The following SORCS3 variants were observed in gnomAD, a reference collection of about 807,000 sequenced individuals.
The protein encoded by SORCS3 is VPS10 domain-containing receptor SorCS3.
Under a neutral mutation model 146.3 loss-of-function variants are expected in SORCS3, and 57 were observed. The ratio of observed to expected loss-of-function variants is 0.39; its 90% confidence interval spans 0.31 to 0.49. The LOEUF is 0.49. Ranked by LOEUF, SORCS3 falls within the 20% of genes least tolerant of loss-of-function variation. The probability of loss-of-function intolerance (pLI) is 0.92; values close to 1 mark genes in which losing one functional copy is unlikely to be tolerated. For synonymous variants in SORCS3, 653 were observed against 618.5 expected, an observed-to-expected ratio of 1.06 and a Z score of -0.83; for missense variants, 1,341 against 1,575.5, an observed-to-expected ratio of 0.85 and a Z score of 2.52.
chr10:105,214,365 A>ACAC (rs113804925), intron 17 of SORCS3, 77 bp from the exon 18 acceptor site: 1,995 of 1,431,434 alleles, frequency 1.4e-3, no homozygotes, highest in Non-Finnish European at 1.6e-3. Context: ...TTCCCTTTAT[A>ACAC]ACACACACAC....
chr10:105,119,819 A>C (rs919951373), intron 7 of SORCS3, among the ~76,000 whole-genome samples: 1 of 152,080 alleles, frequency 6.6e-6, no homozygotes, highest in Non-Finnish European at 1.5e-5. Flanking sequence ...GAAGTAACTA[A>C]CTTGTTTTAG....
intron 1 of SORCS3, among the ~76,000 whole-genome samples, chr10:104,725,273 G>A (rs185783451): frequency 0.014 from 2,075 of 152,308 alleles, 39 homozygotes; most frequent in African/African-American, 0.041. Flanking sequence ...TATCAGCAGC[G>A]GAGGCTGCAG....
chr10:105,246,488 T>C (rs544195554), intron 21 of SORCS3, among the ~76,000 whole-genome samples: 6 of 152,288 alleles, frequency 3.9e-5, no homozygotes, highest in Non-Finnish European at 8.8e-5. Context: ...ATATGTAATG[T>C]AAATATCACT....
chr10:104,746,634 T>C (rs1016229708), intron 1 of SORCS3, among the ~76,000 whole-genome samples: 1 of 152,206 alleles, frequency 6.6e-6, no homozygotes, highest in Non-Finnish European at 1.5e-5. Flanking sequence ...TGAAACTTTG[T>C]ACCCTTTGAT....
At chr10:104,721,671 T>G (rs2016551169) in intron 1 of SORCS3, among the ~76,000 whole-genome samples, 1 of 152,134 alleles carries the variant, frequency 6.6e-6, no homozygotes, top group African/African-American at 2.4e-5. Flanking sequence ...GGTTTGTAGT[T>G]CTCCTTGAAG....
At chr10:104,950,107 C>G (rs77983555) in intron 3 of SORCS3, among the ~76,000 whole-genome samples, 1,829 of 152,260 alleles carry the variant, frequency 0.012, 48 homozygotes, top group African/African-American at 0.042. Flanking sequence ...GAAACAGCAG[C>G]AAGAAGAGCA....
At chr10:104,656,773 A>G (rs2015636601) in intron 1 of SORCS3, among the ~76,000 whole-genome samples, 1 of 152,220 alleles carries the variant, frequency 6.6e-6, no homozygotes, top group Non-Finnish European at 1.5e-5. Flanking sequence ...AATCACTCTG[A>G]TCACCCTGTG....
intron 22 of SORCS3, among the ~76,000 whole-genome samples, chr10:105,251,367 C>G (rs2119751075): frequency 6.6e-6 from 1 of 152,252 alleles, no homozygotes; most frequent in African/African-American, 2.4e-5. Flanking sequence ...TCCCTCAACA[C>G]CTGGGGATTC....
intron 20 of SORCS3, among the ~76,000 whole-genome samples, chr10:105,235,144 G>A (rs1032808089): frequency 2.6e-5 from 4 of 152,060 alleles, no homozygotes; most frequent in African/African-American, 7.2e-5. Flanking sequence ...CTCCCACATG[G>A]AAGGATAAAG....
intron 5 of SORCS3, among the ~76,000 whole-genome samples, chr10:105,073,756 G>T (rs141753628): frequency 1.3e-5 from 2 of 152,112 alleles, no homozygotes; most frequent in South Asian, 2.1e-4. Flanking sequence ...CTGGGTGGGG[G>T]TGTGGCATCA....
At chr10:105,108,625 G>A (rs1337246701) in intron 7 of SORCS3, among the ~76,000 whole-genome samples, 1 of 152,108 alleles carries the variant, frequency 6.6e-6, no homozygotes, top group African/African-American at 2.4e-5. Flanking sequence ...ATCCCACTGG[G>A]CCTTGAAGGC....
intron 5 of SORCS3, among the ~76,000 whole-genome samples, chr10:105,064,447 T>C (rs888216515): frequency 6.6e-6 from 1 of 152,120 alleles, no homozygotes; most frequent in Non-Finnish European, 1.5e-5. Context: ...CGTGCAATTA[T>C]AGAGGTTGAA....
chr10:105,243,043 TTATA>T (rs1047020616), intron 20 of SORCS3, among the ~76,000 whole-genome samples: 1 of 135,888 alleles, frequency 7.4e-6, no homozygotes, highest in Non-Finnish European at 1.5e-5. Context: ...TTACATATAT[TTATA>T]TATATTTATA....
At chr10:104,732,634 G>A (rs534054673) in intron 1 of SORCS3, among the ~76,000 whole-genome samples, 226 of 152,270 alleles carry the variant, frequency 1.5e-3, no homozygotes, top group Middle Eastern at 6.8e-3. Flanking sequence ...TCTTGCACGC[G>A]TGCATGCTGC....
chr10:105,198,858 A>G (rs1589684518), intron 14 of SORCS3, among the ~76,000 whole-genome samples: 2 of 152,326 alleles, frequency 1.3e-5, no homozygotes, highest in Admixed American at 1.3e-4. Flanking sequence ...CACATTCAAA[A>G]TTGATCCTGA....
At chr10:104,706,594 G>A (rs1038183415) in intron 1 of SORCS3, among the ~76,000 whole-genome samples, 1 of 152,118 alleles carries the variant, frequency 6.6e-6, no homozygotes, top group African/African-American at 2.4e-5. Flanking sequence ...TAATGAACCT[G>A]GTTCCACCGT....
intron 1 of SORCS3, among the ~76,000 whole-genome samples, chr10:104,827,530 A>T (rs2017951124): frequency 6.6e-6 from 1 of 152,128 alleles, no homozygotes; most frequent in African/African-American, 2.4e-5. Flanking sequence ...CTGTGCTGTA[A>T]AAAGATGTGC....
intron 4 of SORCS3, among the ~76,000 whole-genome samples, chr10:104,979,167 T>A (rs2054918879): frequency 6.6e-6 from 1 of 152,174 alleles, no homozygotes; most frequent in Admixed American, 6.5e-5. Context: ...TTTGTGTTGA[T>A]TTTTGGGGTC....
At chr10:105,238,843 G>T (rs922697132) in intron 20 of SORCS3, among the ~76,000 whole-genome samples, 1 of 152,160 alleles carries the variant, frequency 6.6e-6, no homozygotes, top group East Asian at 1.9e-4. Flanking sequence ...AGGCATAAAA[G>T]TATGGGAGTT....
Sources: gnomAD v4.1 joint callset for allele counts (sites outside exome capture counted in the v4.1 genomes callset) on GRCh38, gnomAD v4.1.1 for gene constraint, MANE v1.5 for transcripts, NCBI Gene and HGNC (gene_info 2026-07-23, HGNC 2026-07-21) for gene names.